TAFA2: variants seen among roughly 807,000 people sequenced by gnomAD.
TAFA2 encodes TAFA chemokine like family member 2, also known as chemokine-like protein TAFA-2.
In TAFA2, 7 loss-of-function variants were observed where a neutral mutation model predicts 18.8. The observed-to-expected ratio is 0.37, with a 90% confidence interval of 0.21 to 0.70. The LOEUF (loss-of-function observed/expected upper bound fraction) is 0.70. Among genes scored for constraint, TAFA2 ranks in the 30% least tolerant of loss-of-function variants. The pLI is 0.53. For missense variants in TAFA2, 122 were observed against 158.1 expected (o/e 0.77, Z 1.23); for synonymous variants, 60 against 54.2 (o/e 1.11, Z -0.47).
intron 1 of TAFA2, among the ~76,000 whole-genome samples, chr12:61,899,255 G>A (rs973595905): frequency 2.0e-5 from 3 of 152,014 alleles, no homozygotes; most frequent in African/African-American, 7.2e-5. Flanking sequence ...AACTCTGTGG[G>A]GACACAGAGT....
chr12:62,203,160 T>C (rs147688452), intron 1 of TAFA2, among the ~76,000 whole-genome samples: 163 of 152,346 alleles, frequency 1.1e-3, no homozygotes, highest in African/African-American at 3.8e-3. Flanking sequence ...GGGGGTTTCT[T>C]AAGTCTTGAG....
chr12:62,036,343 G>T (rs1881611365), intron 1 of TAFA2, among the ~76,000 whole-genome samples: 2 of 152,220 alleles, frequency 1.3e-5, no homozygotes, highest in Non-Finnish European at 2.9e-5. Flanking sequence ...ACAAGAGGAG[G>T]TTAATTAAAA....
intron 1 of TAFA2, among the ~76,000 whole-genome samples, chr12:61,990,821 A>G (rs1406831594): frequency 1.3e-5 from 2 of 152,210 alleles, no homozygotes; most frequent in African/African-American, 4.8e-5. Flanking sequence ...CACCACGTGG[A>G]GGAGTGTATA....
chr12:62,147,920 C>T (rs1383527257), intron 1 of TAFA2, among the ~76,000 whole-genome samples: 1 of 151,896 alleles, frequency 6.6e-6, no homozygotes, highest in Admixed American at 6.6e-5. Flanking sequence ...AGAAACTTCT[C>T]AAAAGAAGGC....
intron 1 of TAFA2, among the ~76,000 whole-genome samples, chr12:61,868,445 C>T (rs949232000): frequency 3.9e-5 from 6 of 152,156 alleles, no homozygotes; most frequent in African/African-American, 4.8e-5. Flanking sequence ...CGATTCAGAT[C>T]CTATACTGAA....
At chr12:61,778,957 C>T (rs1565630857) in intron 2 of TAFA2, among the ~76,000 whole-genome samples, 1 of 151,738 alleles carries the variant, frequency 6.6e-6, no homozygotes, top group Non-Finnish European at 1.5e-5. Context: ...TTAAAATGTG[C>T]CCTGTTGAAA....
chr12:61,805,177 T>C (rs1052594825), intron 2 of TAFA2, among the ~76,000 whole-genome samples: 10 of 151,976 alleles, frequency 6.6e-5, no homozygotes, highest in African/African-American at 2.4e-4. Context: ...TTTAGGATTA[T>C]TTAATAATTA....
chr12:62,161,595 G>T (rs142354725), intron 1 of TAFA2, among the ~76,000 whole-genome samples: 1 of 152,140 alleles, frequency 6.6e-6, no homozygotes, highest in Non-Finnish European at 1.5e-5. Context: ...CTTAATGGGT[G>T]CAGTGTAGGT....
At chr12:61,731,424 C>T (rs1870444481) in intron 4 of TAFA2, among the ~76,000 whole-genome samples, 1 of 152,120 alleles carries the variant, frequency 6.6e-6, no homozygotes, top group Non-Finnish European at 1.5e-5. Flanking sequence ...AGTCCTACCT[C>T]CTATCTGCCA....
At chr12:61,992,235 T>C (rs926593159) in intron 1 of TAFA2, among the ~76,000 whole-genome samples, 5 of 152,188 alleles carry the variant, frequency 3.3e-5, no homozygotes, top group Admixed American at 2.6e-4. Context: ...AAAGCTAATG[T>C]GTCCTATAGA....
At chr12:62,103,072 C>T (rs879668159) in intron 1 of TAFA2, among the ~76,000 whole-genome samples, 8 of 152,330 alleles carry the variant, frequency 5.3e-5, no homozygotes, top group Middle Eastern at 3.4e-3. Context: ...TCATGACTCC[C>T]ATTCATCTGA....
At chr12:61,816,977 AG>A (rs1872113578) in intron 2 of TAFA2, among the ~76,000 whole-genome samples, 1 of 151,364 alleles carries the variant, frequency 6.6e-6, no homozygotes, top group Non-Finnish European at 1.5e-5. Context: ...GTAAATAATA[AG>A]TATTTACTGT....
chr12:61,794,429 T>C (rs1170345332), intron 2 of TAFA2, among the ~76,000 whole-genome samples: 2 of 152,018 alleles, frequency 1.3e-5, no homozygotes, highest in African/African-American at 4.8e-5. Flanking sequence ...TAGAGTAGCA[T>C]CACAAAATAT....
intron 1 of TAFA2, among the ~76,000 whole-genome samples, chr12:62,104,083 A>G (rs1869336318): frequency 6.6e-6 from 1 of 152,214 alleles, no homozygotes; most frequent in Admixed American, 6.5e-5. Flanking sequence ...AGAATCCTAC[A>G]ATATAATTGA....
At chr12:62,240,412 C>CTA (rs1237914915) in intron 1 of TAFA2, among the ~76,000 whole-genome samples, 1 of 140,726 alleles carries the variant, frequency 7.1e-6, no homozygotes, top group Non-Finnish European at 1.6e-5. Flanking sequence ...GAGCAAGACT[C>CTA]TGTCTCAGGG....
intron 1 of TAFA2, chr12:62,198,271 A>G (rs1165641983): frequency 1.3e-5 from 2 of 151,972 alleles, no homozygotes; most frequent in Non-Finnish European, 2.9e-5. Flanking sequence ...AGAGCCAGTC[A>G]TTGATTTTTT....
chr12:61,955,171 A>C (rs1270146459), intron 1 of TAFA2, among the ~76,000 whole-genome samples: 1 of 152,162 alleles, frequency 6.6e-6, no homozygotes, highest in African/African-American at 2.4e-5. Context: ...ACTAGCTGCT[A>C]TTTATTGCTT....
chr12:61,765,990 G>A (rs1352761388), intron 2 of TAFA2, among the ~76,000 whole-genome samples: 1 of 151,802 alleles, frequency 6.6e-6, no homozygotes, highest in East Asian at 1.9e-4. Flanking sequence ...TCATTTCTTT[G>A]GTCACCAAAT....
Position 61,812,243 on chromosome 12 carries a change from C to T in TAFA2, c.106+55077G>A, listed in dbSNP as rs538980606. ...CTGAAGGAAACTCCTAGTAACTGAC[C>T]TGGACTGAAGACATAATAAGAAAGG... On this transcript the variant is annotated intron_variant, in intron 2 of 4. Transcript: ENST00000416284. Among the ~76,000 whole-genome samples the T allele has an allele frequency of 4.0e-5, 6 of 151,538 alleles. No homozygotes were observed. In the East Asian group the frequency reaches 1.2e-3, roughly 29 times the overall value.
Sources: gnomAD v4.1 joint callset for allele counts (sites outside exome capture counted in the v4.1 genomes callset) on GRCh38, gnomAD v4.1.1 for gene constraint, MANE v1.5 for transcripts, NCBI Gene and HGNC (gene_info 2026-07-23, HGNC 2026-07-21) for gene names.